JAML: variants seen among roughly 807,000 people sequenced by gnomAD.
The protein encoded by JAML is junction adhesion molecule like.
Under a neutral mutation model 39.3 loss-of-function variants are expected in JAML, and 25 were observed. The observed-to-expected ratio is 0.64, with a 90% CI of 0.46 to 0.89. JAML has a LOEUF of 0.89. JAML is among the 40% of genes least tolerant of loss of function. JAML has a pLI of 0.00. For synonymous variants in JAML, 162 were observed against 179.2 expected, an observed-to-expected ratio of 0.90 and a Z score of 0.77; for missense variants, 440 against 486.9, an observed-to-expected ratio of 0.90 and a Z score of 0.91.
intron 4 of JAML, among the ~76,000 whole-genome samples, chr11:118,207,425 A>AAAGC (rs1948940547): frequency 6.6e-6 from 1 of 152,220 alleles, no homozygotes; most frequent in South Asian, 2.1e-4. Flanking sequence ...GAGTGAAAGG[A>AAAGC]AAGCCCGAGT....
rs1948904680 is a variant in JAML at position 118,205,869 on chromosome 11, T to A, written c.534+13A>T. ...GAGCCTTCTCTAACACAGTGATGTT[T>A]CCTCCTTGTTACCTTTGCGCGCCGT... is the stretch of plus-strand genomic sequence containing the variant. On this transcript the variant is annotated intron_variant, in intron 5 of 9. Coordinates refer to ENST00000356289, the MANE Select transcript of JAML (RefSeq NM_001098526.2). 1 of 1,607,418 alleles carries A rather than the reference T, an allele frequency of 6.2e-7. No homozygotes were observed. Among genetic ancestry groups the A allele is most frequent in the Non-Finnish European group, 8.5e-7 (1 of 1,173,922 alleles).
intron 1 of JAML, 33 bp from the exon 2 acceptor site, chr11:118,214,919 T>C: frequency 6.3e-7 from 1 of 1,587,454 alleles, no homozygotes; most frequent in Non-Finnish European, 8.6e-7. Flanking sequence ...CACAAAATCA[T>C]GTCAAGAGAA....
chr11:118,212,358 A>C (rs762091401), intron 3 of JAML, 49 bp downstream of exon 3: 115 of 1,597,696 alleles, frequency 7.2e-5, no homozygotes, highest in Non-Finnish European at 9.5e-5. Flanking sequence ...CTGTCCTGAC[A>C]CCAGCAGTCA....
Position 118,203,682 on chromosome 11 carries a change from A to G in JAML, c.535-17T>C. Reference sequence around the variant, plus strand: ...AATCTCCTCCTAGAAGTGAAAGACAAAAAGTATGATATTGTGAGGACTGGA... The same window carrying G: ...AATCTCCTCCTAGAAGTGAAAGACAGAAAGTATGATATTGTGAGGACTGGA... On this transcript the variant is annotated splice_polypyrimidine_tract_variant and intron_variant, in intron 5 of 9. Coordinates refer to ENST00000356289, the MANE Select transcript of JAML (RefSeq NM_001098526.2). The G allele has an allele frequency of 6.3e-7, 1 of 1,593,028 alleles. No homozygotes were observed. Among genetic ancestry groups the G allele is most frequent in the Non-Finnish European group, 8.6e-7 (1 of 1,160,924 alleles).
chr11:118,219,107 G>T (rs547925614), intron 1 of JAML, among the ~76,000 whole-genome samples: 5 of 152,072 alleles, frequency 3.3e-5, no homozygotes, highest in South Asian at 4.2e-4. Flanking sequence ...TTAAAAATGG[G>T]CAAATGGTCT....
chr11:118,217,428 T>C (rs58525959), intron 1 of JAML, among the ~76,000 whole-genome samples: 3,342 of 152,286 alleles, frequency 0.022, 121 homozygotes, highest in African/African-American at 0.076. Context: ...AAAACGCTCA[T>C]TGTCAGTCCT....
At chr11:118,203,753 T>G in intron 5 of JAML, 88 bp from the exon 6 acceptor site, 1 of 1,080,852 alleles carries the variant, frequency 9.3e-7, no homozygotes, top group South Asian at 1.3e-5. Flanking sequence ...ATCTCAGGAC[T>G]CCAAGGCCCT....
rs1949219356 is a variant in JAML, at chr11:118,222,481, T to C, written c.-21+2460A>G. ...CTCAGTCAATGGAATTTTGTCTTGA[T>C]TTTCCATTTCTGTCTGTCTGTGTAT... On this transcript the variant is annotated intron_variant, in intron 1 of 9. Coordinates refer to ENST00000356289, the MANE Select transcript of JAML (RefSeq NM_001098526.2). The surrounding 1 kb of genome is among the most constrained non-coding windows in gnomAD (Gnocchi z 4.2). 6.6e-6 allele frequency among the ~76,000 whole-genome samples: 1 copy of C among 152,204 alleles called. No individual in the cohort carries two copies. Among genetic ancestry groups the C allele is most frequent in the Non-Finnish European group, 1.5e-5 (1 of 68,036 alleles).
rs1423265465 is a variant in JAML at position 118,222,951 on chromosome 11, CA to C, written c.-21+1989del. Among the ~76,000 whole-genome samples the C allele has an allele frequency of 6.6e-6, 1 of 151,924 alleles. No homozygotes were observed. The highest frequency in any genetic ancestry group is 1.5e-5 in the Non-Finnish European group (1 of 67,976). On this transcript the variant is annotated intron_variant, in intron 1 of 9. Transcript: ENST00000356289. This position sits in a 1 kb window ranked among gnomAD's most constrained non-coding sequence, Gnocchi z 4.2. ...CTCTACTAAAAATACAAAAATTAAT[CA>C]GGTGTGGTGGTGAGCGCCTGTAATC...
At chr11:118,203,062 C>T (rs755608528) in intron 6 of JAML, 1 of 472,320 alleles carries the variant, frequency 2.1e-6, no homozygotes, top group South Asian at 1.5e-5. Context: ...CATACAGCAC[C>T]TCCCTTGAAA....
chr11:118,196,918 C>T, intron 8 of JAML, 97 bp from the exon 9 acceptor site: 1 of 940,308 alleles, frequency 1.1e-6, no homozygotes, highest in Non-Finnish European at 1.7e-6. Context: ...GCATCGACCA[C>T]CCAAACTGCT....
chr11:118,212,923 C>T (rs781626285), intron 2 of JAML: 15 of 1,614,248 alleles, frequency 9.3e-6, no homozygotes, highest in South Asian at 4.4e-5. Flanking sequence ...ACCATAACGA[C>T]GAAATGGGTT....
At chr11:118,213,075 C>A in intron 2 of JAML, 2 of 1,549,616 alleles carry the variant, frequency 1.3e-6, no homozygotes, top group South Asian at 1.2e-5. Context: ...TGTAATTAGG[C>A]CACCACAGAG....
Position 118,194,321 on chromosome 11 carries a change from C to A in JAML, c.*4G>T. The A allele has an allele frequency of 6.2e-7, 1 of 1,612,452 alleles. No homozygotes were observed. Among genetic ancestry groups the A allele is most frequent in the Non-Finnish European group, 8.5e-7 (1 of 1,178,522 alleles). ...TGCTGAGATGAAGGGACTCTCCATT[C>A]TTCTCAAAAGGCTTGCTGTGTTTTT... is the stretch of plus-strand genomic sequence containing the variant. On this transcript the variant is annotated 3_prime_UTR_variant, in exon 10 of 10. Coordinates refer to ENST00000356289, the MANE Select transcript of JAML (RefSeq NM_001098526.2).
At chr11:118,194,447 C>T (rs1283931694) in intron 9 of JAML, 30 bp from the exon 10 acceptor site, 1 of 1,575,830 alleles carries the variant, frequency 6.3e-7, no homozygotes, top group Non-Finnish European at 8.7e-7. Flanking sequence ...AGAAACAAAA[C>T]ATGCTTGTAA....
At chr11:118,203,824 C>T in intron 5 of JAML, 159 bp from the exon 6 acceptor site, 2 of 641,206 alleles carry the variant, frequency 3.1e-6, no homozygotes, top group Non-Finnish European at 5.6e-6. Context: ...GTCATGTACA[C>T]ACACATGTGC....
At chr11:118,224,813 T>A (rs546902986) in intron 1 of JAML, 128 bp downstream of exon 1, 10 of 152,306 alleles carry the variant, frequency 6.6e-5, no homozygotes, top group African/African-American at 2.2e-4. Context: ...CCTGCAGAGA[T>A]CAAGAGTTCT....
intron 2 of JAML, chr11:118,213,392 T>A (rs1949098497): frequency 1.0e-6 from 1 of 957,218 alleles, no homozygotes; most frequent in South Asian, 4.7e-5. Context: ...AGTCTTTTCA[T>A]CCAAGCTGTT....
At chr11:118,207,205 C>G (rs374687769) in intron 4 of JAML, among the ~76,000 whole-genome samples, 12 of 152,226 alleles carry the variant, frequency 7.9e-5, no homozygotes, top group African/African-American at 2.9e-4. Context: ...GAATTAAACT[C>G]TATTTTTAAA....
Sources: gnomAD v4.1 joint callset for allele counts (sites outside exome capture counted in the v4.1 genomes callset) on GRCh38, gnomAD v4.1.1 for gene constraint, Gnocchi (gnomAD v3.1) non-coding constraint, MANE v1.5 for transcripts, NCBI Gene and HGNC (gene_info 2026-07-23, HGNC 2026-07-21) for gene names.